The following SNX29 variants were observed in gnomAD, a reference collection of about 807,000 sequenced individuals.
SNX29 encodes sorting nexin 29, also known as sorting nexin-29.
In SNX29, 78 loss-of-function variants were observed where a neutral mutation model predicts 102.1. That is an observed-to-expected ratio of 0.76 (90% CI 0.64 to 0.92). The LOEUF is 0.92. Ranked by LOEUF, SNX29 falls within the 40% of genes least tolerant of loss-of-function variation. The pLI is 0.00. For missense variants in SNX29, 1,280 were observed against 1,061.7 expected (o/e 1.21, Z -2.86); for synonymous variants, 580 against 414.5 (o/e 1.40, Z -4.85).
intron 13 of SNX29, among the ~76,000 whole-genome samples, chr16:12,166,687 C>T (rs1208889443): frequency 1.3e-5 from 2 of 152,176 alleles, no homozygotes; most frequent in Non-Finnish European, 2.9e-5. Context: ...CGTGTACCCA[C>T]CCTCCTTTAG....
At chr16:12,187,547 A>T (rs1306438010) in intron 13 of SNX29, among the ~76,000 whole-genome samples, 2 of 136,354 alleles carry the variant, frequency 1.5e-5, no homozygotes, top group African/African-American at 2.7e-5. Flanking sequence ...GACTCTGTTT[A>T]AAAAAAAAAA....
intron 3 of SNX29, among the ~76,000 whole-genome samples, chr16:12,024,204 T>C (rs2057122354): frequency 6.6e-6 from 1 of 151,756 alleles, no homozygotes; most frequent in Non-Finnish European, 1.5e-5. Context: ...AATGGCACGA[T>C]CTCGGCTCAC....
chr16:12,513,849 G>A (rs775395516), intron 19 of SNX29, among the ~76,000 whole-genome samples: 3 of 152,218 alleles, frequency 2.0e-5, no homozygotes, highest in Non-Finnish European at 4.4e-5. Context: ...GGGCCACCAT[G>A]CCCGACTATT....
chr16:12,216,910 AG>A (rs2077340470), intron 14 of SNX29, among the ~76,000 whole-genome samples: 1 of 152,216 alleles, frequency 6.6e-6, no homozygotes, highest in Admixed American at 6.5e-5. Context: ...GCTAGCTGCA[AG>A]GGATGCTGGG....
intron 10 of SNX29, among the ~76,000 whole-genome samples, chr16:12,078,597 A>G (rs2051704428): frequency 6.6e-6 from 1 of 152,194 alleles, no homozygotes; most frequent in Admixed American, 6.5e-5. Context: ...CGTGTTCATG[A>G]ATGATTGTGA....
intron 20 of SNX29, chr16:12,561,095 G>T: frequency 4.4e-6 from 1 of 226,360 alleles, no homozygotes; most frequent in Non-Finnish European, 8.8e-6. Context: ...GTTCACAGTG[G>T]AATTAGATTT....
chr16:12,058,986 C>G (rs1455982918), intron 8 of SNX29, among the ~76,000 whole-genome samples: 3 of 151,874 alleles, frequency 2.0e-5, no homozygotes, highest in East Asian at 3.9e-4. Context: ...AGAGACAGGG[C>G]TCGAACTCTT....
At chr16:12,034,727 T>A (rs1020430531) in intron 4 of SNX29, among the ~76,000 whole-genome samples, 2 of 152,220 alleles carry the variant, frequency 1.3e-5, no homozygotes, top group Non-Finnish European at 2.9e-5. Context: ...TTAATCCTGA[T>A]GTCTCATAAA....
At chr16:12,021,258 T>C (rs527814017) in intron 3 of SNX29, among the ~76,000 whole-genome samples, 2 of 152,000 alleles carry the variant, frequency 1.3e-5, no homozygotes, top group African/African-American at 4.8e-5. Context: ...ACCCCATCTC[T>C]ACAAAAAATA....
intron 11 of SNX29, among the ~76,000 whole-genome samples, chr16:12,079,176 G>A (rs535748764): frequency 6.6e-6 from 1 of 152,336 alleles, no homozygotes; most frequent in South Asian, 2.1e-4. Context: ...CCAGGTTTTG[G>A]GGTTTGCCTC....
intron 14 of SNX29, among the ~76,000 whole-genome samples, chr16:12,236,430 G>A (rs2077935169): frequency 6.6e-6 from 1 of 152,182 alleles, no homozygotes; most frequent in Admixed American, 6.5e-5. Flanking sequence ...CAGCAATGCT[G>A]AACTACTTGG....
chr16:12,096,043 T>C lies in SNX29; in HGVS notation c.1402+17128T>C, dbSNP rs2052753135. Among the ~76,000 whole-genome samples the C allele has an allele frequency of 6.6e-6, 1 of 152,230 alleles. No homozygotes were observed. Among genetic ancestry groups the C allele is most frequent in the Non-Finnish European group, 1.5e-5 (1 of 68,036 alleles). ...CGAGGCCCCGCAGCCAGCTGCTTGC[T>C]TGGCTAAGGGCTTCATGATAAAATT... On this transcript the variant is annotated intron_variant, in intron 11 of 20. Transcript: ENST00000566228. The surrounding 1 kb of genome is among the most constrained non-coding windows in gnomAD (Gnocchi z 4.2).
intron 4 of SNX29, among the ~76,000 whole-genome samples, 155 bp from the exon 5 acceptor site, chr16:12,042,742 G>A (rs1434422066): frequency 1.3e-5 from 2 of 152,306 alleles, no homozygotes; most frequent in South Asian, 4.1e-4. Context: ...GGGTATCTGG[G>A]TTGATTCCAT....
chr16:12,002,994 C>G lies in SNX29; in HGVS notation c.73C>G (p.Gln25Glu), dbSNP rs753224438. The G allele has an allele frequency of 5.0e-6, 8 of 1,614,084 alleles. No individual in the cohort carries two copies. In the East Asian group the frequency reaches 1.6e-4, roughly 31 times the overall value. ...ERLLDAVKQCQIRFGGRKEIA... is the reference protein window; with the variant it reads ...ERLLDAVKQCEIRFGGRKEIA... ...AGCAGCTTCTTTTTCTGTGCAGTGC[C>G]AGATCCGCTTTGGAGGGAGAAAGGA... The change falls in exon 3 of 21, where the codon CAG (glutamine) becomes GAG (glutamate). Residue 25 changes from glutamine (Q) to glutamate (E), a missense_variant. Coordinates refer to ENST00000566228, the MANE Select transcript of SNX29 (RefSeq NM_032167.5).
intron 20 of SNX29, among the ~76,000 whole-genome samples, chr16:12,553,819 C>A (rs547320267): frequency 6.6e-6 from 1 of 151,950 alleles, no homozygotes; most frequent in South Asian, 2.1e-4. Context: ...AACTCCTGAC[C>A]TTGTGATCCA....
In SNX29 at chr16:12,155,499, T is replaced by C. The variant is rs536223497; in HGVS notation, c.1595+25741T>C. On this transcript the variant is annotated intron_variant, in intron 13 of 20. Transcript: ENST00000566228. ...TTAAAGGACCCTGGACTCTTTCCAT[T>C]GCCTCAGTTACAGGCCGTTTTCTCA... 4.6e-5 allele frequency among the ~76,000 whole-genome samples: 7 copies of C among 152,112 alleles called. No homozygotes were observed. In the South Asian group the frequency reaches 1.5e-3, roughly 32 times the overall value.
At chr16:12,020,040 A>G (rs534549254) in intron 3 of SNX29, among the ~76,000 whole-genome samples, 47 of 152,288 alleles carry the variant, frequency 3.1e-4, no homozygotes, top group African/African-American at 1.1e-3. Flanking sequence ...TATCAGTATA[A>G]GCTCTTGGTA....
chr16:12,411,782 C>T (rs1385870731), intron 18 of SNX29, among the ~76,000 whole-genome samples: 2 of 152,184 alleles, frequency 1.3e-5, no homozygotes, highest in African/African-American at 4.8e-5. Flanking sequence ...GGACACCACT[C>T]ACCTTGCAGC....
intron 20 of SNX29, chr16:12,546,476 C>T (rs1446356086): frequency 6.6e-6 from 1 of 152,150 alleles, no homozygotes; most frequent in East Asian, 1.9e-4. Context: ...CATTCACTGT[C>T]AGAAGAACAG....
Sources: allele counts gnomAD v4.1 joint callset (sites outside exome capture counted in the v4.1 genomes callset), GRCh38; gene constraint gnomAD v4.1.1; non-coding constraint Gnocchi (gnomAD v3.1); transcripts MANE v1.5; gene names NCBI Gene and HGNC (gene_info 2026-07-23, HGNC 2026-07-21).